CPVL: variants seen among roughly 807,000 people sequenced by gnomAD.
The protein encoded by CPVL is probable serine carboxypeptidase CPVL.
In CPVL, 51 loss-of-function variants were observed where a neutral mutation model predicts 63.7. The ratio of observed to expected loss-of-function variants is 0.80; its 90% confidence interval spans 0.64 to 1.01. The LOEUF (loss-of-function observed/expected upper bound fraction) is 1.01. Ranked by LOEUF, CPVL falls within the 50% of genes least tolerant of loss-of-function variation. The probability of loss-of-function intolerance (pLI) is 0.00; values close to 1 mark genes in which losing one functional copy is unlikely to be tolerated. For synonymous variants in CPVL, 195 were observed against 206.0 expected (o/e 0.95, Z 0.46); for missense variants, 530 against 573.1 (o/e 0.92, Z 0.77).
intron 3 of CPVL, among the ~76,000 whole-genome samples, chr7:29,110,879 T>C (rs932063234): frequency 2.0e-5 from 3 of 152,076 alleles, no homozygotes; most frequent in Admixed American, 6.5e-5. Context: ...AACATGACCA[T>C]GGAGATTATG....
Position 29,146,443 on chromosome 7 carries a change from G to A in CPVL, c.-25C>T. ...GCGGCACTTACGCGGCGCAGTCGGT[G>A]CTCCTCCCTGAGCCGCGGCGCGCAA... On this transcript the variant is annotated 5_prime_UTR_variant, in exon 1 of 13. Coordinates refer to ENST00000265394, the MANE Select transcript of CPVL (RefSeq NM_031311.5). 1.6e-6 allele frequency: 2 copies of A among 1,286,874 alleles called. No homozygotes were observed. The highest frequency in any genetic ancestry group is 2.1e-6 in the Non-Finnish European group (2 of 962,288). 79.7% of individuals were successfully genotyped at this position (1,286,874 alleles called of 1,614,324 possible).
At chr7:29,039,333 T>C (rs1788844717) in intron 11 of CPVL, among the ~76,000 whole-genome samples, 1 of 152,144 alleles carries the variant, frequency 6.6e-6, no homozygotes, top group Non-Finnish European at 1.5e-5. Context: ...AGTATGCCTC[T>C]GAGGGGTAAA....
chr7:29,039,105 G>C (rs1343750246), intron 11 of CPVL, among the ~76,000 whole-genome samples: 2 of 152,136 alleles, frequency 1.3e-5, no homozygotes, highest in African/African-American at 4.8e-5. Flanking sequence ...CATTCTTTAA[G>C]TTTTCCTTAG....
chr7:29,074,214 C>T (rs1784013668), intron 7 of CPVL, among the ~76,000 whole-genome samples: 1 of 152,174 alleles, frequency 6.6e-6, no homozygotes, highest in Non-Finnish European at 1.5e-5. Context: ...TATCCAAGAA[C>T]TCCTCATTGA....
intron 1 of CPVL, chr7:29,192,866 A>G (rs764001617): frequency 5.3e-5 from 8 of 152,250 alleles, no homozygotes; most frequent in Non-Finnish European, 1.2e-4. Context: ...ATAGTCCACC[A>G]TCTAAAGATC....
chr7:29,111,389 A>G (rs1014743137), intron 3 of CPVL, among the ~76,000 whole-genome samples: 3 of 152,180 alleles, frequency 2.0e-5, no homozygotes, highest in Non-Finnish European at 2.9e-5. Flanking sequence ...TATGGGAGGC[A>G]CCAAGCAAGA....
At chr7:29,170,160 T>A (rs945124518) in intron 5 of CPVL, among the ~76,000 whole-genome samples, 2 of 152,124 alleles carry the variant, frequency 1.3e-5, no homozygotes, top group African/African-American at 4.8e-5. Flanking sequence ...GGAGGGGGAT[T>A]CCCTGAGCTC....
chr7:29,079,437 G>T (rs1241488484), intron 7 of CPVL, among the ~76,000 whole-genome samples: 4 of 152,092 alleles, frequency 2.6e-5, no homozygotes, highest in African/African-American at 9.7e-5. Context: ...CCTTGGTAAG[G>T]CATACCTAAC....
chr7:29,190,266 AC>A (rs1483331996), intron 1 of CPVL, among the ~76,000 whole-genome samples: 3 of 152,240 alleles, frequency 2.0e-5, no homozygotes, highest in African/African-American at 7.2e-5. Context: ...ACGGTAGAGT[AC>A]TTGCCATAAA....
intron 2 of CPVL, among the ~76,000 whole-genome samples, chr7:29,118,648 T>A (rs758685002): frequency 1.1e-4 from 17 of 152,246 alleles, no homozygotes; most frequent in Admixed American, 2.0e-4. Context: ...CAAGAATGTC[T>A]TCGTGTAAAA....
At chr7:29,088,880 C>A (rs1321611260) in intron 6 of CPVL, among the ~76,000 whole-genome samples, 1 of 152,110 alleles carries the variant, frequency 6.6e-6, no homozygotes, top group African/African-American at 2.4e-5. Context: ...GAGGCTGAGG[C>A]AGGAGAATTG....
chr7:29,068,263 C>G (rs1449697146), intron 9 of CPVL, among the ~76,000 whole-genome samples: 5 of 152,080 alleles, frequency 3.3e-5, no homozygotes. Flanking sequence ...GATCTGCCCA[C>G]CTCGGCCTCC....
At chr7:29,084,235 T>C (rs1785004655) in intron 7 of CPVL, among the ~76,000 whole-genome samples, 1 of 152,220 alleles carries the variant, frequency 6.6e-6, no homozygotes, top group African/African-American at 2.4e-5. Flanking sequence ...CACTGGCCTC[T>C]TTCTGCTCAG....
intron 6 of CPVL, among the ~76,000 whole-genome samples, chr7:29,087,492 A>T (rs949824430): frequency 1.3e-5 from 2 of 152,136 alleles, no homozygotes; most frequent in East Asian, 1.9e-4. Context: ...AACAGACTCA[A>T]GGAGTGATTT....
chr7:29,149,901 A>C (rs1793354833), upstream of CPVL, among the ~76,000 whole-genome samples: 1 of 151,928 alleles, frequency 6.6e-6, no homozygotes, highest in Non-Finnish European at 1.5e-5. Flanking sequence ...ATTAGGGTCC[A>C]CTCTAATGAC....
intron 6 of CPVL, among the ~76,000 whole-genome samples, chr7:29,086,763 A>T (rs1364805182): frequency 6.6e-6 from 1 of 152,146 alleles, no homozygotes; most frequent in Non-Finnish European, 1.5e-5. Flanking sequence ...GGACATCAAT[A>T]CTCTGGGCAT....
chr7:29,096,188 G>C lies in CPVL; in HGVS notation c.318C>G (p.Leu106=). ...QIQPEDAPVV[L]WLQGGPGGSS... Reference sequence around the variant, plus strand: ...AACCTCCCGGCCCACCCTGTAGCCAGAGAACTACTGGGGCATCTTCTGGCT... The same window carrying C: ...AACCTCCCGGCCCACCCTGTAGCCACAGAACTACTGGGGCATCTTCTGGCT... The change falls in exon 4 of 13, where the codon CTC becomes CTG. Residue 106 remains leucine (L), a synonymous_variant. Coordinates refer to ENST00000265394, the MANE Select transcript of CPVL (RefSeq NM_031311.5). The C allele has an allele frequency of 1.2e-6, 2 of 1,614,134 alleles. No individual in the cohort carries two copies. The highest frequency in any genetic ancestry group is 8.5e-7 in the Non-Finnish European group (1 of 1,179,980).
chr7:29,144,012 A>G (rs1443179442), intron 1 of CPVL, among the ~76,000 whole-genome samples: 1 of 152,228 alleles, frequency 6.6e-6, no homozygotes, highest in Non-Finnish European at 1.5e-5. Flanking sequence ...AATATAGTAT[A>G]AAAGTTCAAA....
At chr7:29,096,409 C>T (rs1786405486) in intron 3 of CPVL, 192 bp from the exon 4 acceptor site, 1 of 592,710 alleles carries the variant, frequency 1.7e-6, no homozygotes, top group South Asian at 2.1e-5. Context: ...TTGAATGAGG[C>T]TGTGCCTCAT....
Sources: gnomAD v4.1 joint callset for allele counts (sites outside exome capture counted in the v4.1 genomes callset) on GRCh38, gnomAD v4.1.1 for gene constraint, MANE v1.5 for transcripts, NCBI Gene and HGNC (gene_info 2026-07-23, HGNC 2026-07-21) for gene names.